The following PDE8B variants were observed in gnomAD, a reference collection of about 807,000 sequenced individuals.
The protein encoded by PDE8B is high affinity cAMP-specific and IBMX-insensitive 3',5'-cyclic phosphodiesterase 8B.
PDE8B carries 26 observed loss-of-function variants against 101.3 expected under a neutral mutation model. The observed-to-expected ratio is 0.26, with a 90% CI of 0.19 to 0.36. The LOEUF (loss-of-function observed/expected upper bound fraction) is 0.36. PDE8B is among the 10% of genes least tolerant of loss of function. PDE8B has a pLI of 1.00. For synonymous variants in PDE8B, 424 were observed against 429.3 expected, an observed-to-expected ratio of 0.99 and a Z score of 0.15; for missense variants, 810 against 1,163.1, an observed-to-expected ratio of 0.70 and a Z score of 4.42.
chr5:77,307,846 T>C (rs1287883754), intron 1 of PDE8B, among the ~76,000 whole-genome samples: 2 of 152,322 alleles, frequency 1.3e-5, no homozygotes, highest in Non-Finnish European at 2.9e-5. Flanking sequence ...GTTGGAATTA[T>C]GTTACCTATG....
chr5:77,306,931 C>G (rs1280235205), intron 1 of PDE8B, among the ~76,000 whole-genome samples: 1 of 152,142 alleles, frequency 6.6e-6, no homozygotes, highest in Non-Finnish European at 1.5e-5. Flanking sequence ...AGTTCCTACT[C>G]ATAGTGGTGT....
At chr5:77,423,839 G>T (rs547999849) in intron 20 of PDE8B, among the ~76,000 whole-genome samples, 1 of 151,798 alleles carries the variant, frequency 6.6e-6, no homozygotes, top group South Asian at 2.1e-4. Context: ...GTTTCCCTGT[G>T]TTGCCCAGGC....
intron 1 of PDE8B, among the ~76,000 whole-genome samples, chr5:77,234,176 G>C (rs1272338482): frequency 2.6e-5 from 4 of 152,112 alleles, no homozygotes; most frequent in Non-Finnish European, 5.9e-5. Context: ...CATTTTCCCA[G>C]TTCCAGAATC....
rs140271465 is a variant in PDE8B, at chr5:77,222,269, C to T, written c.339+11005C>T. Among the ~76,000 whole-genome samples, 110 of 152,190 alleles carry T rather than the reference C, an allele frequency of 7.2e-4. No homozygotes were observed. The East Asian group carries it at 0.01, about 14-fold the overall frequency. Reference sequence around the variant, plus strand: ...TGTAAACCCGCTAGGTTCTCAAGTACGTGTGTGTGTATTTTCTGCCTTATA... The same window carrying T: ...TGTAAACCCGCTAGGTTCTCAAGTATGTGTGTGTGTATTTTCTGCCTTATA... On this transcript the variant is annotated intron_variant, in intron 1 of 21. Coordinates refer to ENST00000264917, the MANE Select transcript of PDE8B (RefSeq NM_003719.5).
chr5:77,253,579 C>G (rs1230800831), intron 1 of PDE8B, among the ~76,000 whole-genome samples: 1 of 152,124 alleles, frequency 6.6e-6, no homozygotes, highest in Non-Finnish European at 1.5e-5. Context: ...TGAAATTTTA[C>G]CAGCATAAAG....
chr5:77,224,076 C>T (rs1306151468), intron 1 of PDE8B, among the ~76,000 whole-genome samples: 3 of 152,184 alleles, frequency 2.0e-5, no homozygotes, highest in Non-Finnish European at 4.4e-5. Flanking sequence ...TCTCACTGGA[C>T]ACTTGGGATC....
At chr5:77,421,420 C>T (rs1019025287) in intron 19 of PDE8B, among the ~76,000 whole-genome samples, 1 of 152,042 alleles carries the variant, frequency 6.6e-6, no homozygotes, top group African/African-American at 2.4e-5. Context: ...ATTAAAGTAG[C>T]TAAAAGCTCT....
intron 17 of PDE8B, among the ~76,000 whole-genome samples, chr5:77,414,959 C>T (rs528800957): frequency 6.6e-6 from 1 of 152,302 alleles, no homozygotes; most frequent in African/African-American, 2.4e-5. Context: ...TATCCTCCTC[C>T]AAAATATATT....
At position 77,287,159 on chromosome 5, in the gene PDE8B, C is replaced by G. The variant is rs558681956; in HGVS notation, c.340-24835C>G. Among the ~76,000 whole-genome samples, 5 of 152,158 alleles carry G rather than the reference C, an allele frequency of 3.3e-5. No individual in the cohort carries two copies. The South Asian group carries it at 1.0e-3, about 32-fold the overall frequency. The stretch of plus-strand genomic sequence containing the variant: ...TCATTTGCCTTCTTTCTAAAGACCA[C>G]CCTTTATTATTATTTTTTTTAGTGC... On this transcript the variant is annotated intron_variant, in intron 1 of 21. Transcript: ENST00000264917.
At chr5:77,189,860 C>G in the PDE8B span, among the ~76,000 whole-genome samples, 2 of 152,140 alleles carry the variant, frequency 1.3e-5, no homozygotes, top group Admixed American at 1.3e-4. Flanking sequence ...GCTAGGAGAC[C>G]ATCAGTCATC....
chr5:77,253,637 G>A (rs1044992723), intron 1 of PDE8B, among the ~76,000 whole-genome samples: 3 of 152,062 alleles, frequency 2.0e-5, no homozygotes, highest in Non-Finnish European at 4.4e-5. Flanking sequence ...TTCATTTGAC[G>A]TTACCCTCCA....
chr5:77,123,727 C>G, the PDE8B span, among the ~76,000 whole-genome samples: 8 of 152,206 alleles, frequency 5.3e-5, no homozygotes, highest in Non-Finnish European at 1.2e-4. Flanking sequence ...CCACTGCACT[C>G]CAGCCTGGGC....
At chr5:77,225,895 C>A (rs571800523) in intron 1 of PDE8B, among the ~76,000 whole-genome samples, 1 of 150,588 alleles carries the variant, frequency 6.6e-6, no homozygotes, top group Admixed American at 6.6e-5. Flanking sequence ...ACGCACACAT[C>A]TCAGAATACC....
chr5:77,215,290 T>C (rs1749434937), intron 1 of PDE8B, among the ~76,000 whole-genome samples: 1 of 152,206 alleles, frequency 6.6e-6, no homozygotes. Context: ...TCTTCTCAGC[T>C]CTTGGAATTC....
the PDE8B span, among the ~76,000 whole-genome samples, chr5:77,097,243 A>C: frequency 6.6e-6 from 1 of 152,158 alleles, no homozygotes; most frequent in Non-Finnish European, 1.5e-5. Flanking sequence ...AGTTGCTGGA[A>C]TGGGGAGCCA....
At chr5:77,390,667 C>T (rs751432590) in intron 10 of PDE8B, among the ~76,000 whole-genome samples, 1 of 152,128 alleles carries the variant, frequency 6.6e-6, no homozygotes, top group East Asian at 1.9e-4. Flanking sequence ...CTCACACGTC[C>T]CCCCAAATTT....
intron 10 of PDE8B, among the ~76,000 whole-genome samples, chr5:77,362,156 A>G (rs1783219507): frequency 1.3e-5 from 2 of 152,238 alleles, no homozygotes; most frequent in South Asian, 4.1e-4. Flanking sequence ...TGATATATAA[A>G]TGATGGGCAA....
chr5:77,210,982 C>T lies in PDE8B; in HGVS notation c.57C>T (p.Asp19=). ...VSQSGVIYCR[D]SDESSSPRQT... ...AGAGCGGCGTGATCTACTGCCGGGA[C>T]TCGGACGAGTCCAGCTCGCCCCGCC... is the stretch of plus-strand genomic sequence containing the variant. The change falls in exon 1 of 22, where the codon GAC becomes GAT. Residue 19 remains aspartate (D), a synonymous_variant. Transcript: ENST00000264917. This position sits in a 1 kb window ranked among gnomAD's most constrained non-coding sequence, Gnocchi z 4.9. The T allele has an allele frequency of 6.5e-7, 1 of 1,540,810 alleles. No individual in the cohort carries two copies. Among genetic ancestry groups the T allele is most frequent in the African/African-American group, 1.4e-5 (1 of 70,344 alleles).
the PDE8B span, among the ~76,000 whole-genome samples, chr5:77,118,032 T>G: frequency 2.0e-5 from 3 of 152,086 alleles, no homozygotes; most frequent in Admixed American, 2.0e-4. Context: ...CCTCCCAGGT[T>G]CAAGCAATTC....
Sources: gnomAD v4.1 joint callset for allele counts (sites outside exome capture counted in the v4.1 genomes callset) on GRCh38, gnomAD v4.1.1 for gene constraint, Gnocchi (gnomAD v3.1) non-coding constraint, MANE v1.5 for transcripts, NCBI Gene and HGNC (gene_info 2026-07-23, HGNC 2026-07-21) for gene names.